Variants in SSX3 observed in about 807,000 individuals in gnomAD.
SSX3 encodes the protein protein SSX3.
A neutral mutation model predicts 14.8 loss-of-function variants in SSX3; 6 were observed. The ratio of observed to expected loss-of-function variants is 0.41; its 90% CI spans 0.22 to 0.80. The LOEUF (loss-of-function observed/expected upper bound fraction) is 0.80. Ranked by LOEUF, SSX3 falls within the 30% of genes least tolerant of loss-of-function variation. SSX3 has a pLI of 0.34. For missense variants in SSX3, 163 were observed against 152.2 expected (o/e 1.07, Z -0.37); for synonymous variants, 55 against 52.9 (o/e 1.04, Z -0.18).
intron 6 of SSX3, 87 bp from the exon 7 acceptor site, chrX:48,347,691 T>G: frequency 8.4e-7 from 1 of 1,192,675 alleles, no homozygotes; most frequent in African/African-American, 1.7e-5. Context: ...GATGCCTGCT[T>G]CCTCCCAAGT....
At chrX:48,354,595 G>C (rs782511268) in intron 3 of SSX3, 37 bp downstream of exon 3, 12 of 1,160,086 alleles carry the variant, frequency 1.0e-5, no homozygotes, top group Admixed American at 4.6e-5. Flanking sequence ...ATGCTCATGT[G>C]TCCCCAGACT....
chrX:48,354,749 A>AC lies in SSX3; in HGVS notation c.70-4dup. 8.4e-7 allele frequency: 1 copy of AC among 1,192,851 alleles called. No homozygotes were observed. Among genetic ancestry groups the AC allele is most frequent in the Non-Finnish European group, 1.1e-6 (1 of 886,308 alleles). On this transcript the variant is annotated splice_region_variant and splice_polypyrimidine_tract_variant and intron_variant, in intron 2 of 7. Coordinates refer to ENST00000298396, the MANE Select transcript of SSX3 (RefSeq NM_021014.4). Reference sequence around the variant, plus strand: ...TATTTGGCAATATCATCGAAGGCCTACAAAAAAAAAAAAAAGGAATTATGG... The same window carrying AC: ...TATTTGGCAATATCATCGAAGGCCTACCAAAAAAAAAAAAAAGGAATTATGG...
In SSX3 at chrX:48,355,344, G is replaced by A. The variant is rs782223775; in HGVS notation, c.-20-75C>T. 27 of 954,073 alleles carry A rather than the reference G, an allele frequency of 2.8e-5. No homozygotes were observed. The East Asian group carries it at 5.3e-4, about 19-fold the overall frequency. The allele number at this position is 954,073 out of a possible 1,213,427, so 78.6% of individuals were successfully genotyped here. ...GTGGAGGGAGAAATCAGTGAAGGCCGGCCACTCAGTCACCTGGAATCAGGT... is the reference window on the plus strand; with the variant it reads ...GTGGAGGGAGAAATCAGTGAAGGCCAGCCACTCAGTCACCTGGAATCAGGT... On this transcript the variant is annotated intron_variant, in intron 1 of 7. Coordinates refer to ENST00000298396, the MANE Select transcript of SSX3 (RefSeq NM_021014.4).
Position 48,346,770 on chromosome X carries a change from C to A in SSX3, c.*270G>T. ...TTTCTAAGGTAGGTGCATGGATACA[C>A]AAACCAAAATATGCATTAAGTATGT... is the stretch of plus-strand genomic sequence containing the variant. On this transcript the variant is annotated 3_prime_UTR_variant, in exon 8 of 8. Coordinates refer to ENST00000298396, the MANE Select transcript of SSX3 (RefSeq NM_021014.4). 1 of 483,206 alleles carries A rather than the reference C, an allele frequency of 2.1e-6. No homozygotes were observed. Among genetic ancestry groups the A allele is most frequent in the Non-Finnish European group, 3.5e-6 (1 of 285,492 alleles). 39.8% of individuals were successfully genotyped at this position (483,206 alleles called of 1,213,427 possible).
At chrX:48,354,951 C>T (rs1328682711) in intron 2 of SSX3, 10 of 752,164 alleles carry the variant, frequency 1.3e-5, no homozygotes, top group East Asian at 1.5e-4. Flanking sequence ...GCTGGCTCTC[C>T]TCCCACCTTC....
chrX:48,352,703 C>G (rs782100036), intron 4 of SSX3, among the ~76,000 whole-genome samples: 1 of 112,012 alleles, frequency 8.9e-6, no homozygotes, highest in Non-Finnish European at 1.9e-5. Flanking sequence ...GTTTAGTTGG[C>G]GAGTAATAGG....
intron 6 of SSX3, chrX:48,348,124 G>C: frequency 5.9e-6 from 2 of 339,382 alleles, no homozygotes; most frequent in East Asian, 5.6e-5. Context: ...TGGGTACACA[G>C]TAGGTGTATA....
chrX:48,355,615 T>G (rs1196229663), intron 1 of SSX3, among the ~76,000 whole-genome samples: 1 of 110,884 alleles, frequency 9.0e-6, no homozygotes, highest in African/African-American at 3.3e-5. Context: ...GACTGTGTAA[T>G]TTTATTCAGT....
chrX:48,347,439 A>C (rs2061243626), intron 7 of SSX3, 61 bp downstream of exon 7: 2 of 1,197,846 alleles, frequency 1.7e-6, no homozygotes, highest in African/African-American at 3.5e-5. Flanking sequence ...ATGGGATGCC[A>C]GTATCATAAC....
intron 5 of SSX3, among the ~76,000 whole-genome samples, chrX:48,350,570 G>C (rs1479480243): frequency 1.8e-5 from 2 of 110,514 alleles, no homozygotes; most frequent in East Asian, 5.7e-4. Flanking sequence ...AAGATGGTGT[G>C]GGGAGATGAA....
In SSX3 at chrX:48,346,431, G is replaced by A. The variant is rs1336888725; in HGVS notation, c.*609C>T. 3.7e-5 allele frequency: 6 copies of A among 162,480 alleles called. No individual in the cohort carries two copies. The highest frequency in any genetic ancestry group is 3.6e-4 in the South Asian group (2 of 5,515). The allele number at this position is 162,480 out of a possible 1,213,427, so 13.4% of individuals were successfully genotyped here. Reference sequence around the variant, plus strand: ...TGGCACGAGCAAACAACTGGGGAACGTTTGCAAAGGTTTATTTACTGTCAG... The same window carrying A: ...TGGCACGAGCAAACAACTGGGGAACATTTGCAAAGGTTTATTTACTGTCAG... On this transcript the variant is annotated 3_prime_UTR_variant, in exon 8 of 8. Transcript: ENST00000298396.
Position 48,351,250 on chromosome X carries a change from A to T in SSX3, c.330+850T>A, listed in dbSNP as rs2061261838. 2.7e-5 allele frequency among the ~76,000 whole-genome samples: 3 copies of T among 111,848 alleles called. No homozygotes were observed. In the Admixed American group the frequency reaches 2.9e-4, roughly 11 times the overall value. ...TCCACACTGGCAACCCAACTCCCAG[A>T]TCCCTTTACCCTCCAAACCAGAGTT... On this transcript the variant is annotated intron_variant, in intron 5 of 7. Coordinates refer to ENST00000298396, the MANE Select transcript of SSX3 (RefSeq NM_021014.4).
intron 6 of SSX3, among the ~76,000 whole-genome samples, chrX:48,349,239 C>T (rs1472971180): frequency 1.2e-4 from 13 of 111,404 alleles, no homozygotes; most frequent in East Asian, 5.7e-4. Context: ...GAGAGCTAAT[C>T]GATGTGGCAA....
At chrX:48,348,244 T>A in intron 6 of SSX3, 1 of 458,786 alleles carries the variant, frequency 2.2e-6, no homozygotes, top group South Asian at 3.1e-5. Flanking sequence ...TTACAAACAA[T>A]CCATTTATGC....
chrX:48,350,209 G>T, intron 5 of SSX3, 87 bp from the exon 6 acceptor site: 1 of 1,147,145 alleles, frequency 8.7e-7, no homozygotes, highest in East Asian at 3.0e-5. Context: ...ACATGCATTA[G>T]CTTATTCAAT....
At position 48,346,989 on chromosome X, in the gene SSX3, T is replaced by C. The variant is rs2061241905; in HGVS notation, c.*51A>G. ...CAGCCATGCCCATGTTCGTGAAAGG[T>C]CACCACGTTCTGCTTCTCATCATGG... On this transcript the variant is annotated 3_prime_UTR_variant, in exon 8 of 8. Coordinates refer to ENST00000298396, the MANE Select transcript of SSX3 (RefSeq NM_021014.4). The C allele has an allele frequency of 1.8e-5, 22 of 1,196,201 alleles. 1 individual carries two copies. In the South Asian group the frequency reaches 3.7e-4, roughly 20 times the overall value.
intron 6 of SSX3, chrX:48,349,586 AC>A: frequency 1.7e-6 from 2 of 1,209,786 alleles, no homozygotes; most frequent in Admixed American, 4.4e-5. Context: ...TCTGAAGGAC[AC>A]CTGTATTGGG....
At chrX:48,354,200 C>T (rs1431529767) in intron 3 of SSX3, 106 bp from the exon 4 acceptor site, 12 of 719,648 alleles carry the variant, frequency 1.7e-5, no homozygotes, top group Non-Finnish European at 2.6e-5. Flanking sequence ...TGGAGGATTG[C>T]TTGAGGCCAG....
chrX:48,350,050 C>T lies in SSX3; in HGVS notation c.403G>A (p.Asp135Asn), dbSNP rs2061255382. 1.7e-6 allele frequency: 2 copies of T among 1,211,863 alleles called. No homozygotes were observed. Among genetic ancestry groups the T allele is most frequent in the Non-Finnish European group, 2.2e-6 (2 of 895,506 alleles). ...EVPEASGPQNDGKQLCPPGKP... is the reference protein window; with the variant it reads ...EVPEASGPQNNGKQLCPPGKP... ...CCCGGGGGGCACAGCTGTTTCCCAT[C>T]GTTTTGTGGGCCAGATGCTTCTGGC... is the stretch of plus-strand genomic sequence containing the variant. Residue 135 changes from aspartate (D) to asparagine (N), a missense_variant, in exon 6 of 8, where the codon GAT becomes AAT. Physicochemically the swap from Asp to Asn is conservative, Grantham distance 23. Coordinates refer to ENST00000298396, the MANE Select transcript of SSX3 (RefSeq NM_021014.4).
Sources: allele counts gnomAD v4.1 joint callset (sites outside exome capture counted in the v4.1 genomes callset), GRCh38; gene constraint gnomAD v4.1.1; transcripts MANE v1.5; gene names NCBI Gene and HGNC (gene_info 2026-07-23, HGNC 2026-07-21).